The following NPAS2 variants were observed in gnomAD, a reference collection of about 807,000 sequenced individuals.
NPAS2 encodes the protein neuronal PAS domain protein 2.
NPAS2 carries 23 observed loss-of-function variants against 107.5 expected under a neutral mutation model. The observed-to-expected ratio is 0.21, with a 90% CI of 0.15 to 0.30. NPAS2 has a LOEUF of 0.30. Ranked by LOEUF, NPAS2 falls within the 10% of genes least tolerant of loss-of-function variation. The pLI is 1.00. For synonymous variants in NPAS2, 403 were observed against 417.5 expected (o/e 0.97, Z 0.42); for missense variants, 756 against 1,043.3 (o/e 0.72, Z 3.79).
Position 100,897,684 on chromosome 2 carries a change from C to T in NPAS2, c.-22-7049C>T, listed in dbSNP as rs1319002868. ...AACATCAGAACAAGACTCCCCGAAC[C>T]CCGTCCCACCCAGGATTCACCTTTT... On this transcript the variant is annotated intron_variant, in intron 1 of 20. Coordinates refer to ENST00000335681, the MANE Select transcript of NPAS2 (RefSeq NM_002518.4). Among the ~76,000 whole-genome samples the T allele has an allele frequency of 3.3e-5, 5 of 152,296 alleles. No homozygotes were observed. In the South Asian group the frequency reaches 1.0e-3, roughly 32 times the overall value.
intron 7 of NPAS2, among the ~76,000 whole-genome samples, chr2:100,952,768 T>G (rs1273557938): frequency 1.3e-5 from 2 of 152,126 alleles, no homozygotes; most frequent in African/African-American, 4.8e-5. Context: ...ACTTTTTTTT[T>G]TTTTAACTAG....
chr2:100,964,755 G>A (rs187629951), intron 8 of NPAS2, 106 bp from the exon 9 acceptor site: 13 of 693,402 alleles, frequency 1.9e-5, no homozygotes, highest in Admixed American at 8.8e-5. Context: ...AGACTTGCTC[G>A]AAATGATTTT....
intron 12 of NPAS2, among the ~76,000 whole-genome samples, chr2:100,972,352 C>G (rs1676635883): frequency 6.6e-6 from 1 of 152,170 alleles, no homozygotes; most frequent in Non-Finnish European, 1.5e-5. Context: ...CAGAAGTGTT[C>G]AAATGTGAGT....
At chr2:100,865,368 A>G (rs1026814666) in intron 1 of NPAS2, among the ~76,000 whole-genome samples, 6 of 152,206 alleles carry the variant, frequency 3.9e-5, no homozygotes, top group African/African-American at 1.4e-4. Flanking sequence ...TGTACTGGGA[A>G]CGTAGCCTGG....
Position 100,911,890 on chromosome 2 carries a change from C to A in NPAS2, c.32+7104C>A, listed in dbSNP as rs143601768. ...CAAGTGATCCACCAGCCTTGGCCTC[C>A]CAAAGTGCTGGGATTACAGGTGTGA... On this transcript the variant is annotated intron_variant, in intron 2 of 20. Transcript: ENST00000335681. Among the ~76,000 whole-genome samples, 1,470 of 152,286 alleles carry A rather than the reference C, an allele frequency of 9.7e-3. 30 individuals are homozygous for A. The highest frequency in any genetic ancestry group is 0.034 in the African/African-American group (1,407 of 41,556).
At chr2:100,851,547 G>A (rs115123226) in intron 1 of NPAS2, among the ~76,000 whole-genome samples, 1,724 of 152,312 alleles carry the variant, frequency 0.011, 29 homozygotes, top group African/African-American at 0.039. Flanking sequence ...AAAGTTGGAA[G>A]CCAAGACTCT....
At chr2:100,876,094 G>C (rs1198342625) in intron 1 of NPAS2, among the ~76,000 whole-genome samples, 2 of 151,806 alleles carry the variant, frequency 1.3e-5, no homozygotes, top group Non-Finnish European at 2.9e-5. Flanking sequence ...TTTTGTTTGA[G>C]TAAATGAGAG....
chr2:100,910,816 C>T (rs1207925567), intron 2 of NPAS2, among the ~76,000 whole-genome samples: 2 of 152,186 alleles, frequency 1.3e-5, no homozygotes, highest in African/African-American at 4.8e-5. Context: ...GCATGAGCCA[C>T]CATGCCCAGC....
intron 1 of NPAS2, among the ~76,000 whole-genome samples, chr2:100,881,891 A>G (rs1680372334): frequency 1.3e-5 from 2 of 152,140 alleles, no homozygotes; most frequent in South Asian, 2.1e-4. Flanking sequence ...CCCCAGGTCC[A>G]GGGCCTGCTT....
At chr2:100,853,524 T>C (rs1403231670) in intron 1 of NPAS2, among the ~76,000 whole-genome samples, 2 of 152,218 alleles carry the variant, frequency 1.3e-5, no homozygotes, top group Non-Finnish European at 2.9e-5. Flanking sequence ...ATCATCTTTA[T>C]GTTTGTAACC....
chr2:100,971,943 CTTT>C (rs562926280), intron 12 of NPAS2, among the ~76,000 whole-genome samples: 9 of 136,262 alleles, frequency 6.6e-5, no homozygotes, highest in Admixed American at 1.5e-4. Flanking sequence ...ATGAATTTTT[CTTT>C]TTTTTTTTTT....
rs541619858 is a variant in NPAS2, at chr2:100,971,421, C to T, written c.1140+347C>T. Among the ~76,000 whole-genome samples the T allele has an allele frequency of 1.3e-4, 20 of 152,282 alleles. No homozygotes were observed. In the South Asian group the frequency reaches 3.7e-3, roughly 28 times the overall value. On this transcript the variant is annotated intron_variant, in intron 12 of 20. Transcript: ENST00000335681. ...CTCCAGTGAGTCCACTCGGCATCTC[C>T]TCCACAGATAAGACACTGGGGGAGT...
chr2:100,852,358 C>G (rs967843565), intron 1 of NPAS2, among the ~76,000 whole-genome samples: 4 of 152,084 alleles, frequency 2.6e-5, no homozygotes, highest in African/African-American at 9.7e-5. Context: ...GATCGCACCA[C>G]TGCGCTCCAG....
intron 3 of NPAS2, among the ~76,000 whole-genome samples, chr2:100,929,289 T>C (rs1012914180): frequency 6.6e-6 from 1 of 152,012 alleles, no homozygotes; most frequent in African/African-American, 2.4e-5. Context: ...GCCAGGAAAA[T>C]GTGGAATCTA....
At chr2:100,855,375 A>G (rs1357088827) in intron 1 of NPAS2, among the ~76,000 whole-genome samples, 2 of 152,196 alleles carry the variant, frequency 1.3e-5, no homozygotes, top group African/African-American at 4.8e-5. Flanking sequence ...GACCGCGGGT[A>G]GAGCTGGAAC....
Position 100,968,313 on chromosome 2 carries a change from T to C in NPAS2, c.940T>C (p.Tyr314His), listed in dbSNP as rs1181823197. ...GTTTGGCAAAGGGAAGTCGTGTTGC[T>C]ACCGGTTTCTGACCAAAGGTCAGCA... ...MQFGKGKSCCYRFLTKGQQWI... is the reference protein window; with the variant it reads ...MQFGKGKSCCHRFLTKGQQWI... Residue 314 changes from tyrosine (Y) to histidine (H), a missense_variant, in exon 11 of 21, where the codon TAC becomes CAC. Tyr to His is a moderately conservative substitution (Grantham distance 83). Transcript: ENST00000335681. The surrounding 1 kb of genome is among the most constrained non-coding windows in gnomAD (Gnocchi z 5.3). The C allele has an allele frequency of 6.2e-7, 1 of 1,614,188 alleles. No homozygotes were observed. Among genetic ancestry groups the C allele is most frequent in the South Asian group, 1.1e-5 (1 of 91,084 alleles).
chr2:100,854,158 CAAAAAAAA>C (rs70943046), intron 1 of NPAS2, among the ~76,000 whole-genome samples: 1 of 59,600 alleles, frequency 1.7e-5, no homozygotes, highest in Non-Finnish European at 3.0e-5. Flanking sequence ...CCTGCCTCAA[CAAAAAAAA>C]AAAAAAAAAA....
chr2:100,919,300 T>C (rs1373021042), intron 2 of NPAS2, among the ~76,000 whole-genome samples: 1 of 152,286 alleles, frequency 6.6e-6, no homozygotes, highest in East Asian at 1.9e-4. Context: ...CATACCTTTA[T>C]ACATGTGCTA....
At chr2:100,876,495 C>T (rs569047098) in intron 1 of NPAS2, among the ~76,000 whole-genome samples, 1 of 152,294 alleles carries the variant, frequency 6.6e-6, no homozygotes, top group South Asian at 2.1e-4. Flanking sequence ...TCAGAATTTC[C>T]AGCTGCCCTA....
Sources: allele counts gnomAD v4.1 joint callset (sites outside exome capture counted in the v4.1 genomes callset), GRCh38; gene constraint gnomAD v4.1.1; non-coding constraint Gnocchi (gnomAD v3.1); transcripts MANE v1.5; gene names NCBI Gene and HGNC (gene_info 2026-07-23, HGNC 2026-07-21).